ASB13: variants seen among roughly 807,000 people sequenced by gnomAD.
ASB13 encodes ankyrin repeat and SOCS box protein 13.
A neutral mutation model predicts 28.8 loss-of-function variants in ASB13; 33 were observed. That is an observed-to-expected ratio of 1.15 (90% confidence interval 0.87 to 1.53). The LOEUF (loss-of-function observed/expected upper bound fraction) is 1.53, where lower values mean the gene tolerates loss of function less well. Among genes scored for constraint, ASB13 ranks in the 40% most tolerant of loss-of-function variants. ASB13 has a pLI of 0.00. For synonymous variants in ASB13, 182 were observed against 172.9 expected (o/e 1.05, Z -0.41); for missense variants, 414 against 390.1 (o/e 1.06, Z -0.52).
rs958112169 is a variant in ASB13, at chr10:5,666,404, C to T, written c.43+105G>A. On this transcript the variant is annotated intron_variant, in intron 1 of 5. Transcript: ENST00000357700. ...CAAACGCCCCCGCCCACGGAGCCAGCGCGGGGCGCGCCACCACCTCCCCGG... is the reference window on the plus strand; with the variant it reads ...CAAACGCCCCCGCCCACGGAGCCAGTGCGGGGCGCGCCACCACCTCCCCGG... 7.9e-5 allele frequency: 82 copies of T among 1,040,034 alleles called. 1 individual carries two copies. In the African/African-American group the frequency reaches 1.2e-3, roughly 15 times the overall value. The allele number at this position is 1,040,034 out of a possible 1,614,324, so 64.4% of individuals were successfully genotyped here.
chr10:5,642,381 A>G lies in ASB13; in HGVS notation c.518-420T>C, dbSNP rs1042666154. ...CACTGCTTCTTCCTCTTGCGGGCCC[A>G]GGACGGAGGCTCCAGAAATACTGGT... On this transcript the variant is annotated intron_variant, in intron 4 of 5. Coordinates refer to ENST00000357700, the MANE Select transcript of ASB13 (RefSeq NM_024701.4). This position sits in a 1 kb window ranked among gnomAD's most constrained non-coding sequence, Gnocchi z 4.1. 4 of 689,536 alleles carry G rather than the reference A, an allele frequency of 5.8e-6. No homozygotes were observed. The highest frequency in any genetic ancestry group is 7.8e-6 in the Non-Finnish European group (4 of 513,646). 42.7% of individuals were successfully genotyped at this position (689,536 alleles called of 1,614,324 possible).
chr10:5,652,934 T>G lies in ASB13; in HGVS notation c.160A>C (p.Thr54Pro). 3 of 1,583,456 alleles carry G rather than the reference T, an allele frequency of 1.9e-6. No homozygotes were observed. Among genetic ancestry groups the G allele is most frequent in the Non-Finnish European group, 2.6e-6 (3 of 1,165,238 alleles). Residue 54 changes from threonine to proline, a missense_variant, in exon 2 of 6, where the codon ACG becomes CCG. By Grantham distance (38) the Thr-to-Pro change is conservative. Transcript: ENST00000357700. This position sits in a 1 kb window ranked among gnomAD's most constrained non-coding sequence, Gnocchi z 5.0. ...CVNQVTVDSI[T>P]PLHAASLQGQ... ...TGCAGACTGGCTGCGTGCAGGGGCG[T>G]GATGGAGTCCACGGTGACCTGGTTC...
intron 1 of ASB13, among the ~76,000 whole-genome samples, chr10:5,665,226 C>G (rs1193063079): frequency 6.6e-6 from 1 of 152,214 alleles, no homozygotes; most frequent in Non-Finnish European, 1.5e-5. Context: ...TTAAAATTGT[C>G]TAAAGCTCCT....
chr10:5,666,411 C>T, intron 1 of ASB13, 98 bp downstream of exon 1: 1 of 1,082,412 alleles, frequency 9.2e-7, no homozygotes, highest in Non-Finnish European at 1.2e-6. Flanking sequence ...CAGCGCGGGG[C>T]GCGCCACCAC....
rs1164791384 is a variant in ASB13, at chr10:5,663,764, C to G, written c.43+2745G>C. 2.0e-5 allele frequency among the ~76,000 whole-genome samples: 3 copies of G among 152,152 alleles called. No individual in the cohort carries two copies. The highest frequency in any genetic ancestry group is 4.8e-5 in the African/African-American group (2 of 41,446). Reference sequence around the variant, plus strand: ...TTCCATTGGCCCTAAATAGGCTTTTCTGGTGTGTCAACAGGCCCTCTTTGA... The same window carrying G: ...TTCCATTGGCCCTAAATAGGCTTTTGTGGTGTGTCAACAGGCCCTCTTTGA... On this transcript the variant is annotated intron_variant, in intron 1 of 5. Coordinates refer to ENST00000357700, the MANE Select transcript of ASB13 (RefSeq NM_024701.4). The surrounding 1 kb of genome is among the most constrained non-coding windows in gnomAD (Gnocchi z 4.9).
chr10:5,640,996 G>C (rs1834801772), intron 5 of ASB13, among the ~76,000 whole-genome samples, 166 bp from the exon 6 acceptor site: 2 of 152,206 alleles, frequency 1.3e-5, no homozygotes, highest in South Asian at 4.1e-4. Context: ...CCGAGGAAGG[G>C]AGCCCAGGAA....
rs1019927776 is a variant in ASB13, at chr10:5,664,750, A to G, written c.43+1759T>C. ...GGCTGGAGTGCAATGGCATGATCTC[A>G]GCTCACTACAACCTCTGCCTATCAG... On this transcript the variant is annotated intron_variant, in intron 1 of 5. Transcript: ENST00000357700. The surrounding 1 kb of genome is among the most constrained non-coding windows in gnomAD (Gnocchi z 4.2). Among the ~76,000 whole-genome samples, 1 of 151,980 alleles carries G rather than the reference A, an allele frequency of 6.6e-6. No homozygotes were observed. Among genetic ancestry groups the G allele is most frequent in the Non-Finnish European group, 1.5e-5 (1 of 67,966 alleles).
rs1834923218 is a variant in ASB13, at chr10:5,648,408, G to GCA, written c.517+561_517+562insTG. Among the ~76,000 whole-genome samples, 4 of 90,696 alleles carry GCA rather than the reference G, an allele frequency of 4.4e-5. 2 individuals carry two copies. Among genetic ancestry groups the GCA allele is most frequent in the Non-Finnish European group, 4.3e-5 (2 of 46,230 alleles). The allele number at this position is 90,696 out of a possible 152,430, so 59.5% of individuals were successfully genotyped here. A position where few individuals can be genotyped will look rare whatever the true frequency, so the allele number is the denominator to read the frequency against. On this transcript the variant is annotated intron_variant, in intron 4 of 5. Transcript: ENST00000357700. ...CACCCACTCAGGCAAACACCCCCTT[G>GCA]GGTAAACACCCACTCAGGCAAACAC...
Position 5,662,535 on chromosome 10 carries a change from G to GGAGC in ASB13, c.43+3973_43+3974insGCTC, listed in dbSNP as rs200508956. ...ACAGACTGAGACTCTGTCGAGAAGG[G>GGAGC]GGGGGGAGGGGAGGGGAGGGGAGGG... On this transcript the variant is annotated intron_variant, in intron 1 of 5. Coordinates refer to ENST00000357700, the MANE Select transcript of ASB13 (RefSeq NM_024701.4). Among the ~76,000 whole-genome samples the GGAGC allele has an allele frequency of 6.9e-5, 4 of 57,574 alleles. 1 individual carries two copies. The East Asian group carries it at 1.5e-3, about 21-fold the overall frequency. The allele number at this position is 57,574 out of a possible 152,430, so 37.8% of individuals were successfully genotyped here.
chr10:5,653,713 G>A (rs961950780), intron 1 of ASB13, among the ~76,000 whole-genome samples: 4 of 151,380 alleles, frequency 2.6e-5, no homozygotes, highest in Admixed American at 2.0e-4. Flanking sequence ...ACGGAGTCTC[G>A]CTCTGTCACC....
Position 5,651,729 on chromosome 10 carries a change from A to T in ASB13, c.232-366T>A, listed in dbSNP as rs1403958639. On this transcript the variant is annotated intron_variant, in intron 2 of 5. Coordinates refer to ENST00000357700, the MANE Select transcript of ASB13 (RefSeq NM_024701.4). This position sits in a 1 kb window ranked among gnomAD's most constrained non-coding sequence, Gnocchi z 5.1. Reference sequence around the variant, plus strand: ...TTAAAAACCCTAACCTCAGCTGGGCACAGTGGCTCACACCTGTAACCCCAG... The same window carrying T: ...TTAAAAACCCTAACCTCAGCTGGGCTCAGTGGCTCACACCTGTAACCCCAG... 1.3e-5 allele frequency among the ~76,000 whole-genome samples: 2 copies of T among 152,046 alleles called. No homozygotes were observed. Among genetic ancestry groups the T allele is most frequent in the Non-Finnish European group, 2.9e-5 (2 of 68,006 alleles).
rs760848149 is a variant in ASB13 at position 5,663,779 on chromosome 10, G to T, written c.43+2730C>A. On this transcript the variant is annotated intron_variant, in intron 1 of 5. Transcript: ENST00000357700. The surrounding 1 kb of genome is among the most constrained non-coding windows in gnomAD (Gnocchi z 4.9). The stretch of plus-strand genomic sequence containing the variant: ...ATAGGCTTTTCTGGTGTGTCAACAG[G>T]CCCTCTTTGAATTCCTATTTTAGGA... Among the ~76,000 whole-genome samples the T allele has an allele frequency of 6.6e-6, 1 of 152,022 alleles. No individual in the cohort carries two copies. Among genetic ancestry groups the T allele is most frequent in the Admixed American group, 6.6e-5 (1 of 15,258 alleles).
At chr10:5,666,384 G>T in intron 1 of ASB13, 125 bp downstream of exon 1, 4 of 810,194 alleles carry the variant, frequency 4.9e-6, no homozygotes, top group Non-Finnish European at 6.4e-6. Context: ...CCCGCCAAAC[G>T]CCCCCGCCCA....
Position 5,640,582 on chromosome 10 carries a change from G to T in ASB13, c.*121C>A, listed in dbSNP as rs1834792250. On this transcript the variant is annotated 3_prime_UTR_variant, in exon 6 of 6. Coordinates refer to ENST00000357700, the MANE Select transcript of ASB13 (RefSeq NM_024701.4). ...AAGCCTAAACAGGATCGCAGGAAGG[G>T]ACTCGAAGGAGCGTTGTTCTATCTA... 7.1e-6 allele frequency: 9 copies of T among 1,274,346 alleles called. No homozygotes were observed. In the South Asian group the frequency reaches 8.2e-5, roughly 12 times the overall value. The allele number at this position is 1,274,346 out of a possible 1,614,324, so 78.9% of individuals were successfully genotyped here.
In ASB13 at chr10:5,662,683, G is replaced by A. The variant is rs149262035; in HGVS notation, c.43+3826C>T. Among the ~76,000 whole-genome samples, 181 of 152,080 alleles carry A rather than the reference G, an allele frequency of 1.2e-3. 2 individuals carry two copies. In the East Asian group the frequency reaches 0.025, roughly 21 times the overall value. ...ACACTCCCAGAAAAAGCCAAATGTA[G>A]CATCCATTCATCTCTGCCTGCTGTC... On this transcript the variant is annotated intron_variant, in intron 1 of 5. Transcript: ENST00000357700.
At position 5,651,454 on chromosome 10, in the gene ASB13, G is replaced by GAAC; in HGVS notation, c.232-92_232-91insGTT. 7.2e-7 allele frequency: 1 copy of GAAC among 1,385,146 alleles called. No homozygotes were observed. The highest frequency in any genetic ancestry group is 9.7e-7 in the Non-Finnish European group (1 of 1,031,506). 85.8% of individuals were successfully genotyped at this position (1,385,146 alleles called of 1,614,324 possible). The stretch of plus-strand genomic sequence containing the variant: ...GCTGCAGGTTCATCTTTGCTAAGAT[G>GAAC]CTTCTTAGAAGCACCGGTTTGCTTT... On this transcript the variant is annotated intron_variant, in intron 2 of 5. Coordinates refer to ENST00000357700, the MANE Select transcript of ASB13 (RefSeq NM_024701.4). This position sits in a 1 kb window ranked among gnomAD's most constrained non-coding sequence, Gnocchi z 5.1.
chr10:5,651,586 G>T lies in ASB13; in HGVS notation c.232-223C>A. The T allele has an allele frequency of 1.9e-6, 1 of 527,572 alleles. No individual in the cohort carries two copies. The highest frequency in any genetic ancestry group is 2.3e-5 in the South Asian group (1 of 42,618). 32.7% of individuals were successfully genotyped at this position (527,572 alleles called of 1,614,324 possible). A position where few individuals can be genotyped will look rare whatever the true frequency, so the allele number is the denominator to read the frequency against. ...TCTCGTTCAGGATTCTTTTCTCTCA[G>T]GGCAGGATAAGCTCAGCAGCCCCCT... On this transcript the variant is annotated intron_variant, in intron 2 of 5. Transcript: ENST00000357700. This position sits in a 1 kb window ranked among gnomAD's most constrained non-coding sequence, Gnocchi z 5.1.
At position 5,645,205 on chromosome 10, in the gene ASB13, A is replaced by T. The variant is rs541693834; in HGVS notation, c.518-3244T>A. 1.1e-4 allele frequency among the ~76,000 whole-genome samples: 17 copies of T among 152,162 alleles called. No homozygotes were observed. The highest frequency in any genetic ancestry group is 1.9e-4 in the Non-Finnish European group (13 of 68,030). ...ACAATCCTGGAACATAAACACAAAT[A>T]GCTCAATAGGTGCTTGTTACCACAA... On this transcript the variant is annotated intron_variant, in intron 4 of 5. Coordinates refer to ENST00000357700, the MANE Select transcript of ASB13 (RefSeq NM_024701.4). The surrounding 1 kb of genome is among the most constrained non-coding windows in gnomAD (Gnocchi z 5.4).
At chr10:5,665,453 A>C (rs971142984) in intron 1 of ASB13, among the ~76,000 whole-genome samples, 1 of 152,244 alleles carries the variant, frequency 6.6e-6, no homozygotes, top group African/African-American at 2.4e-5. Flanking sequence ...ATTCCATAAC[A>C]AACGATGCAG....
Sources: gnomAD v4.1 joint callset for allele counts (sites outside exome capture counted in the v4.1 genomes callset) on GRCh38, gnomAD v4.1.1 for gene constraint, Gnocchi (gnomAD v3.1) non-coding constraint, MANE v1.5 for transcripts, NCBI Gene and HGNC (gene_info 2026-07-23, HGNC 2026-07-21) for gene names.